NUDT6: variants seen among roughly 807,000 people sequenced by gnomAD.
NUDT6 encodes nudix hydrolase 6.
In NUDT6, 24 loss-of-function variants were observed where a neutral mutation model predicts 36.8. The ratio of observed to expected loss-of-function variants is 0.65; its 90% CI spans 0.47 to 0.92. The LOEUF is 0.92. Among genes scored for constraint, NUDT6 ranks in the 40% least tolerant of loss-of-function variants. The pLI, the probability that NUDT6 is intolerant of heterozygous loss-of-function variation, is 0.00. For synonymous variants in NUDT6, 163 were observed against 157.0 expected (o/e 1.04, Z -0.29); for missense variants, 388 against 392.8 (o/e 0.99, Z 0.10).
At chr4:122,911,532 C>T (rs908008780) in intron 3 of NUDT6, among the ~76,000 whole-genome samples, 1 of 152,142 alleles carries the variant, frequency 6.6e-6, no homozygotes. Flanking sequence ...GGACAAAAAG[C>T]TTAATTTGAA....
intron 3 of NUDT6, among the ~76,000 whole-genome samples, chr4:122,906,959 T>C (rs1578494649): frequency 6.6e-6 from 1 of 152,236 alleles, no homozygotes; most frequent in East Asian, 1.9e-4. Context: ...GAAGTTACCC[T>C]ATTTGGTCTA....
rs113708696 is a variant in NUDT6 at position 122,899,044 on chromosome 4, A to ATT, written c.499-1368_499-1367dup. Among the ~76,000 whole-genome samples, 16 of 69,410 alleles carry ATT rather than the reference A, an allele frequency of 2.3e-4. 4 individuals are homozygous for ATT. Among genetic ancestry groups the ATT allele is most frequent in the Middle Eastern group, 7.5e-3 (1 of 134 alleles). 45.5% of individuals were successfully genotyped at this position (69,410 alleles called of 152,430 possible). On this transcript the variant is annotated intron_variant, in intron 3 of 4. Coordinates refer to ENST00000304430, the MANE Select transcript of NUDT6 (RefSeq NM_007083.5). ...CTACAGGTGTGCACCACCACACCTA[A>ATT]TTTTTTTTTTTTTTTTAGAGATGAG...
intron 1 of NUDT6, 115 bp downstream of exon 1, chr4:122,922,220 C>A: frequency 2.3e-6 from 2 of 860,246 alleles, no homozygotes; most frequent in Non-Finnish European, 3.4e-6. Flanking sequence ...CGTGCCTTCT[C>A]CCTTTCCCTC....
At chr4:122,922,304 C>T (rs2125712362) in intron 1 of NUDT6, 31 bp downstream of exon 1, 2 of 1,568,806 alleles carry the variant, frequency 1.3e-6, no homozygotes, top group Middle Eastern at 1.7e-4. Context: ...GCTCTGGAGC[C>T]CCGGGAGCCC....
chr4:122,903,195 A>G (rs909242658), intron 3 of NUDT6, among the ~76,000 whole-genome samples: 2 of 152,112 alleles, frequency 1.3e-5, no homozygotes, highest in East Asian at 1.9e-4. Flanking sequence ...ATCTCTGTTT[A>G]TAACTTAAAA....
At chr4:122,904,831 G>A (rs540406855) in intron 3 of NUDT6, among the ~76,000 whole-genome samples, 27 of 152,186 alleles carry the variant, frequency 1.8e-4, no homozygotes, top group Non-Finnish European at 3.4e-4. Flanking sequence ...TTGCTATGAT[G>A]ATTAAAGTAG....
chr4:122,892,925 G>T lies in NUDT6; in HGVS notation c.854C>A (p.Thr285Asn). ...GTAAACTGCTGGAAGTTCTTCCACA[G>T]TCAGGTCAATTTTGTCAAACCCTTC... is the stretch of plus-strand genomic sequence containing the variant. ...YREGFDKIDLTVEELPAVYTG... is the reference protein window; with the variant it reads ...YREGFDKIDLNVEELPAVYTG... Residue 285 changes from threonine (T) to asparagine (N), a missense_variant, in exon 5 of 5, where the codon ACT becomes AAT. Physicochemically the swap from Thr to Asn is moderately conservative, Grantham distance 65. Transcript: ENST00000304430. The T allele has an allele frequency of 6.2e-7, 1 of 1,614,156 alleles. No individual in the cohort carries two copies. The highest frequency in any genetic ancestry group is 8.5e-7 in the Non-Finnish European group (1 of 1,180,014).
rs1728097740 is a variant in NUDT6 at position 122,922,486 on chromosome 4, G to A, written c.87C>T (p.Ala29=). 4.3e-6 allele frequency: 7 copies of A among 1,611,332 alleles called. No homozygotes were observed. Among genetic ancestry groups the A allele is most frequent in the Non-Finnish European group, 5.1e-6 (6 of 1,179,794 alleles). ...GPGPSAGYRW[A]SGAQGYVRNP... The stretch of plus-strand genomic sequence containing the variant: ...TCCGCACGTAACCCTGTGCGCCCGA[G>A]GCCCAGCGGTAACCCGCCGAAGGCC... The change falls in exon 1 of 5, where the codon GCC becomes GCT. Residue 29 remains alanine (A), a synonymous_variant. Transcript: ENST00000304430.
intron 3 of NUDT6, among the ~76,000 whole-genome samples, chr4:122,909,073 T>TC (rs1193479803): frequency 6.6e-6 from 1 of 152,036 alleles, no homozygotes; most frequent in Non-Finnish European, 1.5e-5. Flanking sequence ...CCCAGCTTTT[T>TC]TTTTTTTCTT....
intron 2 of NUDT6, among the ~76,000 whole-genome samples, chr4:122,913,960 C>T (rs764906430): frequency 5.9e-5 from 9 of 152,100 alleles, no homozygotes; most frequent in Non-Finnish European, 1.3e-4. Flanking sequence ...TAACTGAGTT[C>T]CTCTATATAA....
chr4:122,909,546 T>C (rs1727690922), intron 3 of NUDT6, among the ~76,000 whole-genome samples: 1 of 152,166 alleles, frequency 6.6e-6, no homozygotes, highest in African/African-American at 2.4e-5. Context: ...ATGTGTGCTA[T>C]AACAGAGGAA....
At chr4:122,919,620 C>T (rs984964271) in intron 1 of NUDT6, 4 of 152,100 alleles carry the variant, frequency 2.6e-5, no homozygotes, top group Admixed American at 6.6e-5. Flanking sequence ...TCTTCTTTTC[C>T]CTAATAAGCT....
chr4:122,908,670 A>C (rs571794641), intron 3 of NUDT6, among the ~76,000 whole-genome samples: 2 of 152,200 alleles, frequency 1.3e-5, no homozygotes. Flanking sequence ...AAGGTCATTC[A>C]TTGGTTCAAA....
intron 3 of NUDT6, among the ~76,000 whole-genome samples, chr4:122,900,062 C>CCCCCCCCCCCCCCCCCCCCCCCCCA (rs1727485490): frequency 7.6e-6 from 1 of 131,584 alleles, no homozygotes; most frequent in African/African-American, 2.9e-5. Context: ...CCGCCACCCC[C>CCCCCCCCCCCCCCCCCCCCCCCCCA]CCCCCGGCCC....
Position 122,892,985 on chromosome 4 carries a change from C to T in NUDT6, c.794G>A (p.Ser265Asn). ...ATACAGCAGCAGCCTAGCAACTCTGCTGGTGATGGGAGTTGTATTTTCAGT... is the reference window on the plus strand; with the variant it reads ...ATACAGCAGCAGCCTAGCAACTCTGTTGGTGATGGGAGTTGTATTTTCAGT... ...AKTENTTPIT[S>N]RVARLLLYGY... Residue 265 changes from serine to asparagine, a missense_variant, in exon 5 of 5, where the codon AGC becomes AAC. Ser to Asn is a conservative substitution (Grantham distance 46). Coordinates refer to ENST00000304430, the MANE Select transcript of NUDT6 (RefSeq NM_007083.5). The T allele has an allele frequency of 6.2e-7, 1 of 1,614,172 alleles. No homozygotes were observed. The highest frequency in any genetic ancestry group is 8.5e-7 in the Non-Finnish European group (1 of 1,180,040).
intron 3 of NUDT6, among the ~76,000 whole-genome samples, chr4:122,906,895 C>T (rs997412602): frequency 6.6e-6 from 1 of 152,156 alleles, no homozygotes; most frequent in South Asian, 2.1e-4. Flanking sequence ...AGTGCATTAG[C>T]ATGCTAAAAG....
chr4:122,908,104 C>A (rs1310117382), intron 3 of NUDT6, among the ~76,000 whole-genome samples: 1 of 146,304 alleles, frequency 6.8e-6, no homozygotes, highest in African/African-American at 2.6e-5. Context: ...ACCAAGGGGA[C>A]CCCAAAAAAA....
chr4:122,900,115 G>T (rs1203064686), intron 3 of NUDT6, among the ~76,000 whole-genome samples: 1 of 124,724 alleles, frequency 8.0e-6, no homozygotes, highest in Non-Finnish European at 1.6e-5. Flanking sequence ...TGCGCCAACG[G>T]TTAACTTACC....
intron 4 of NUDT6, chr4:122,894,180 G>A (rs1271777763): frequency 6.6e-6 from 1 of 152,200 alleles, no homozygotes; most frequent in Admixed American, 6.5e-5. Flanking sequence ...CATAGAAAGA[G>A]TATAATGTTT....
Sources: allele counts gnomAD v4.1 joint callset (sites outside exome capture counted in the v4.1 genomes callset), GRCh38; gene constraint gnomAD v4.1.1; transcripts MANE v1.5; gene names NCBI Gene and HGNC (gene_info 2026-07-23, HGNC 2026-07-21).